ZZEF1: variants seen among roughly 807,000 people sequenced by gnomAD.
ZZEF1 encodes the protein zinc finger ZZ-type and EF-hand domain-containing protein 1.
In ZZEF1, 157 loss-of-function variants were observed where a neutral mutation model predicts 342.8. That is an observed-to-expected ratio of 0.46 (90% CI 0.40 to 0.52). The LOEUF (loss-of-function observed/expected upper bound fraction) is 0.52. Ranked by LOEUF, ZZEF1 falls within the 20% of genes least tolerant of loss-of-function variation. The probability of loss-of-function intolerance (pLI) is 0.00; values close to 1 mark genes in which losing one functional copy is unlikely to be tolerated. For synonymous variants in ZZEF1, 1,505 were observed against 1,429.1 expected, an observed-to-expected ratio of 1.05 and a Z score of -1.20; for missense variants, 3,480 against 3,725.6, an observed-to-expected ratio of 0.93 and a Z score of 1.72.
intron 26 of ZZEF1, among the ~76,000 whole-genome samples, 180 bp downstream of exon 26, chr17:4,070,504 C>G (rs2145268738): frequency 1.3e-5 from 2 of 152,296 alleles, no homozygotes; most frequent in Middle Eastern, 6.8e-3. Flanking sequence ...ACATTATAAT[C>G]TGCTAACCAT....
At position 4,109,831 on chromosome 17, in the gene ZZEF1, C is replaced by T. The variant is rs2058268486; in HGVS notation, c.1099G>A (p.Asp367Asn). 2.5e-6 allele frequency: 4 copies of T among 1,614,154 alleles called. No homozygotes were observed. In the South Asian group the frequency reaches 3.3e-5, roughly 13 times the overall value. Residue 367 changes from aspartate to asparagine, a missense_variant, in exon 6 of 55, where the codon GAT becomes AAT. Coordinates refer to ENST00000381638, the MANE Select transcript of ZZEF1 (RefSeq NM_015113.4). ...VQINIKRCLS[D>N]GCDTRIHGLR... ...CCATGAATTCTAGTGTCGCAGCCAT[C>T]GCTAAGACAACGCTTTATGTTAATC...
At chr17:4,068,427 C>T (rs1432934337) in intron 26 of ZZEF1, among the ~76,000 whole-genome samples, 2 of 152,164 alleles carry the variant, frequency 1.3e-5, no homozygotes, top group Non-Finnish European at 2.9e-5. Context: ...GCTGGAATTA[C>T]AGGCACCTGC....
intron 35 of ZZEF1, among the ~76,000 whole-genome samples, chr17:4,051,663 G>A (rs1003048925): frequency 5.3e-5 from 8 of 150,936 alleles, no homozygotes; most frequent in Non-Finnish European, 7.4e-5. Context: ...ACAGGAGTTC[G>A]CCTCGGCCTC....
intron 26 of ZZEF1, among the ~76,000 whole-genome samples, chr17:4,069,758 G>A (rs532561238): frequency 2.0e-5 from 3 of 152,320 alleles, no homozygotes; most frequent in African/African-American, 7.2e-5. Context: ...TTGAACCCGG[G>A]AGGTGGAGGT....
intron 34 of ZZEF1, among the ~76,000 whole-genome samples, chr17:4,053,821 T>C (rs2057100179): frequency 6.6e-6 from 1 of 152,152 alleles, no homozygotes; most frequent in Non-Finnish European, 1.5e-5. Context: ...TGGTCCCGAG[T>C]GTTTATTATG....
chr17:4,010,724 C>CAAAAAAA (rs58349682), intron 52 of ZZEF1, among the ~76,000 whole-genome samples: 46,257 of 85,162 alleles, frequency 0.54, 13,900 homozygotes, highest in East Asian at 0.77. Flanking sequence ...GATTCCGTCT[C>CAAAAAAA]AAAAAAAAAA....
At chr17:4,051,885 C>CT in intron 35 of ZZEF1, 86 bp downstream of exon 35, 1 of 1,429,064 alleles carries the variant, frequency 7.0e-7, no homozygotes, top group Non-Finnish European at 9.4e-7. Flanking sequence ...ATAAAAAAAA[C>CT]TTTTTTAAAA....
intron 43 of ZZEF1, among the ~76,000 whole-genome samples, 171 bp downstream of exon 43, chr17:4,024,748 G>A (rs1395882718): frequency 1.3e-5 from 2 of 152,180 alleles, no homozygotes; most frequent in Non-Finnish European, 1.5e-5. Flanking sequence ...CAGGAAAATT[G>A]TATTTCCTCT....
intron 24 of ZZEF1, among the ~76,000 whole-genome samples, chr17:4,073,552 C>T (rs1015808416): frequency 6.6e-6 from 1 of 152,186 alleles, no homozygotes; most frequent in Non-Finnish European, 1.5e-5. Flanking sequence ...CCTCCTGCCT[C>T]AGCCTCCCAA....
At position 4,051,048 on chromosome 17, in the gene ZZEF1, A is replaced by G. The variant is rs2057034948; in HGVS notation, c.5601-5T>C. 6.2e-7 allele frequency: 1 copy of G among 1,614,008 alleles called. No individual in the cohort carries two copies. Among genetic ancestry groups the G allele is most frequent in the Admixed American group, 1.7e-5 (1 of 60,004 alleles). Reference sequence around the variant, plus strand: ...ATGCTGTGGGTAGGCAAATGGCTGCAAAGGCAAGACACATTTAAAGCTTAC... The same window carrying G: ...ATGCTGTGGGTAGGCAAATGGCTGCGAAGGCAAGACACATTTAAAGCTTAC... On this transcript the variant is annotated splice_polypyrimidine_tract_variant and splice_region_variant and intron_variant, in intron 35 of 54. Transcript: ENST00000381638.
intron 16 of ZZEF1, among the ~76,000 whole-genome samples, chr17:4,083,066 G>A (rs1451049540): frequency 6.6e-6 from 1 of 152,074 alleles, no homozygotes; most frequent in East Asian, 1.9e-4. Flanking sequence ...GTGAGCCACC[G>A]CACCCAGCTG....
chr17:4,046,285 G>A (rs752422220), intron 37 of ZZEF1, among the ~76,000 whole-genome samples: 1 of 152,218 alleles, frequency 6.6e-6, no homozygotes, highest in Non-Finnish European at 1.5e-5. Context: ...GGTGACAGCT[G>A]TCAGCTGCAT....
At position 4,070,775 on chromosome 17, in the gene ZZEF1, A is replaced by G. The variant is rs955438080; in HGVS notation, c.3984T>C (p.Val1328=). 12 of 1,614,054 alleles carry G rather than the reference A, an allele frequency of 7.4e-6. No homozygotes were observed. Among genetic ancestry groups the G allele is most frequent in the Non-Finnish European group, 1.0e-5 (12 of 1,180,028 alleles). The change falls in exon 26 of 55, where the codon GTT becomes GTC. Residue 1328 remains valine (V), a synonymous_variant. Transcript: ENST00000381638. ...CRKQAPKTDI[V]AGSTIDQAVN... is the part of the protein sequence containing the mutation. Reference sequence around the variant, plus strand: ...CAGCTTGATCAATAGTGGAACCAGCAACTATATCTGTCTTTGGGGCCTGTT... The same window carrying G: ...CAGCTTGATCAATAGTGGAACCAGCGACTATATCTGTCTTTGGGGCCTGTT...
chr17:4,138,091 G>C (rs1334397829), intron 1 of ZZEF1, among the ~76,000 whole-genome samples: 1 of 152,202 alleles, frequency 6.6e-6, no homozygotes. Flanking sequence ...AATTAGCTGA[G>C]AGAGTTAGGC....
intron 54 of ZZEF1, 57 bp from the exon 55 acceptor site, chr17:4,007,027 G>A (rs764497497): frequency 3.7e-5 from 54 of 1,463,390 alleles, no homozygotes; most frequent in Admixed American, 1.5e-4. Context: ...CATTCAGTGA[G>A]TGCTGATAAG....
intron 5 of ZZEF1, among the ~76,000 whole-genome samples, chr17:4,111,421 A>G (rs994932740): frequency 2.0e-5 from 3 of 152,158 alleles, no homozygotes; most frequent in African/African-American, 7.2e-5. Flanking sequence ...GCACTGTGGA[A>G]GGCCGAGGCG....
At chr17:4,120,480 G>A (rs2058465497) in intron 2 of ZZEF1, among the ~76,000 whole-genome samples, 1 of 152,140 alleles carries the variant, frequency 6.6e-6, no homozygotes. Flanking sequence ...TTATTAAGGA[G>A]AATTGGCTCA....
At position 4,086,516 on chromosome 17, in the gene ZZEF1, C is replaced by A; in HGVS notation, c.2482G>T (p.Ala828Ser). ...PIQSPKGVEAAKELYTHLCDV... is the reference protein window; with the variant it reads ...PIQSPKGVEASKELYTHLCDV... The stretch of plus-strand genomic sequence containing the variant: ...CACAAGTGTGTGTACAGCTCCTTGG[C>A]AGCCTCTACTCCTTTAGGGCTTTGG... Residue 828 changes from alanine to serine, a missense_variant, in exon 15 of 55, where the codon GCC becomes TCC. Coordinates refer to ENST00000381638, the MANE Select transcript of ZZEF1 (RefSeq NM_015113.4). 1 of 1,614,210 alleles carries A rather than the reference C, an allele frequency of 6.2e-7. No individual in the cohort carries two copies. Among genetic ancestry groups the A allele is most frequent in the Non-Finnish European group, 8.5e-7 (1 of 1,180,024 alleles).
chr17:4,088,567 C>T (rs1042169189), intron 13 of ZZEF1, 111 bp downstream of exon 13: 17 of 1,135,450 alleles, frequency 1.5e-5, no homozygotes, highest in Admixed American at 8.3e-5. Flanking sequence ...GTACAATGCC[C>T]ATCCTATTGG....
Sources: allele counts gnomAD v4.1 joint callset (sites outside exome capture counted in the v4.1 genomes callset), GRCh38; gene constraint gnomAD v4.1.1; transcripts MANE v1.5; gene names NCBI Gene and HGNC (gene_info 2026-07-23, HGNC 2026-07-21).